The following PALS1 variants were observed in gnomAD, a reference collection of about 807,000 sequenced individuals.
PALS1 encodes the protein protein PALS1.
Under a neutral mutation model 78.9 loss-of-function variants are expected in PALS1, and 31 were observed. That is an observed-to-expected ratio of 0.39 (90% CI 0.30 to 0.53). The LOEUF (loss-of-function observed/expected upper bound fraction) is 0.53, where lower values mean the gene tolerates loss of function less well. Ranked by LOEUF, PALS1 falls within the 20% of genes least tolerant of loss-of-function variation. PALS1 has a pLI of 0.67. For missense variants in PALS1, 704 were observed against 826.5 expected, an observed-to-expected ratio of 0.85 and a Z score of 1.82; for synonymous variants, 276 against 270.9, an observed-to-expected ratio of 1.02 and a Z score of -0.18.
chr14:67,257,062 T>C (rs2084156465), intron 1 of PALS1, among the ~76,000 whole-genome samples: 1 of 152,070 alleles, frequency 6.6e-6, no homozygotes, highest in African/African-American at 2.4e-5. Context: ...ATATGTACGT[T>C]GGTTTGATCC....
At chr14:67,296,329 A>C (rs2084848235) in intron 4 of PALS1, among the ~76,000 whole-genome samples, 1 of 152,040 alleles carries the variant, frequency 6.6e-6, no homozygotes, top group Admixed American at 6.6e-5. Context: ...CGCCGGATGC[A>C]GTGGCTCACG....
At chr14:67,332,284 T>C (rs1595626606) in intron 14 of PALS1, among the ~76,000 whole-genome samples, 1 of 152,208 alleles carries the variant, frequency 6.6e-6, no homozygotes. Flanking sequence ...TCTATATAGT[T>C]TCCCAAACTC....
At chr14:67,277,200 T>C (rs2084520195) in intron 2 of PALS1, among the ~76,000 whole-genome samples, 1 of 152,216 alleles carries the variant, frequency 6.6e-6, no homozygotes, top group South Asian at 2.1e-4. Context: ...GCTGTCATGT[T>C]AATGAAAACG....
intron 1 of PALS1, chr14:67,254,158 C>T (rs1329356412): frequency 4.3e-5 from 6 of 138,292 alleles, no homozygotes; most frequent in African/African-American, 1.6e-4. Context: ...TATCTGATAT[C>T]TATACTAGAT....
chr14:67,272,150 CT>C (rs2084418952), intron 2 of PALS1: 1 of 151,824 alleles, frequency 6.6e-6, no homozygotes, highest in Admixed American at 6.6e-5. Context: ...AATCACTCCT[CT>C]TTTTTAAATC....
chr14:67,313,290 A>T (rs1363922163), intron 9 of PALS1, among the ~76,000 whole-genome samples: 2 of 152,232 alleles, frequency 1.3e-5, no homozygotes, highest in Admixed American at 1.3e-4. Flanking sequence ...GTCATGCATC[A>T]CTTAACGACA....
intron 1 of PALS1, among the ~76,000 whole-genome samples, chr14:67,253,963 G>GTT (rs1203932603): frequency 7.3e-6 from 1 of 137,180 alleles, no homozygotes; most frequent in Admixed American, 7.4e-5. Context: ...ATTTTGTTTT[G>GTT]TTTTTTTTTT....
chr14:67,325,305 T>C (rs1360869741), intron 14 of PALS1, among the ~76,000 whole-genome samples: 1 of 152,240 alleles, frequency 6.6e-6, no homozygotes, highest in African/African-American at 2.4e-5. Context: ...TAACATTTCT[T>C]AATCTATATG....
intron 1 of PALS1, among the ~76,000 whole-genome samples, chr14:67,252,449 T>C (rs1387143482): frequency 6.6e-6 from 1 of 152,140 alleles, no homozygotes; most frequent in Non-Finnish European, 1.5e-5. Flanking sequence ...GCCACCGTGC[T>C]CAGCATTTAG....
chr14:67,329,746 G>T (rs1211081224), intron 14 of PALS1, among the ~76,000 whole-genome samples: 1 of 151,988 alleles, frequency 6.6e-6, no homozygotes, highest in African/African-American at 2.4e-5. Flanking sequence ...GCCAGGCATG[G>T]TGGTGCACGC....
intron 3 of PALS1, 148 bp downstream of exon 3, chr14:67,279,685 C>G: frequency 1.4e-6 from 1 of 701,976 alleles, no homozygotes; most frequent in Non-Finnish European, 2.2e-6. Context: ...GTGGAAACGC[C>G]GTATAACTAT....
At chr14:67,288,017 C>T (rs1368135715) in intron 3 of PALS1, among the ~76,000 whole-genome samples, 1 of 152,158 alleles carries the variant, frequency 6.6e-6, no homozygotes, top group Non-Finnish European at 1.5e-5. Context: ...TTGTTGATTT[C>T]AGTCAGTGGT....
chr14:67,256,789 A>C lies in PALS1; in HGVS notation c.-236-12912A>C, dbSNP rs112718912. Among the ~76,000 whole-genome samples the C allele has an allele frequency of 1.8e-3, 231 of 131,474 alleles. 1 individual carries two copies. Among genetic ancestry groups the C allele is most frequent in the African/African-American group, 7.4e-3 (228 of 30,980 alleles). 86.3% of individuals were successfully genotyped at this position (131,474 alleles called of 152,430 possible). On this transcript the variant is annotated intron_variant, in intron 1 of 14. Coordinates refer to ENST00000261681, the MANE Select transcript of PALS1 (RefSeq NM_022474.4). ...TAAGTAGGAGGACGAAGTGTTCCAGAAACTATTGACACACACACACACACA... is the reference window on the plus strand; with the variant it reads ...TAAGTAGGAGGACGAAGTGTTCCAGCAACTATTGACACACACACACACACA...
intron 1 of PALS1, among the ~76,000 whole-genome samples, chr14:67,252,486 A>G (rs534036493): frequency 4.6e-5 from 7 of 152,274 alleles, no homozygotes; most frequent in Non-Finnish European, 8.8e-5. Flanking sequence ...AGGAGTGGTC[A>G]TGGGAACCCC....
chr14:67,245,999 A>G (rs1311026044), intron 1 of PALS1, among the ~76,000 whole-genome samples: 3 of 152,046 alleles, frequency 2.0e-5, no homozygotes, highest in African/African-American at 7.2e-5. Flanking sequence ...CCATTTGTTT[A>G]AAACATGATC....
intron 1 of PALS1, among the ~76,000 whole-genome samples, chr14:67,261,786 G>T (rs2084242066): frequency 6.6e-6 from 1 of 151,846 alleles, no homozygotes; most frequent in Non-Finnish European, 1.5e-5. Flanking sequence ...TAGGTACTTT[G>T]AGCAATAGAT....
chr14:67,247,240 T>TTAA (rs1440186251), intron 1 of PALS1, among the ~76,000 whole-genome samples: 1 of 152,234 alleles, frequency 6.6e-6, no homozygotes, highest in Non-Finnish European at 1.5e-5. Context: ...TTGCAAATAC[T>TTAA]TTATTAAGTC....
rs2085519239 is a variant in PALS1 at position 67,335,621 on chromosome 14, A to T, written c.*2665A>T. ...GCCTAAGAAATAAGGATCAATAAGG[A>T]ATGATTTGAATGTAATTTTGTGAAT... On this transcript the variant is annotated 3_prime_UTR_variant, in exon 15 of 15. Transcript: ENST00000261681. 1 of 152,634 alleles carries T rather than the reference A, an allele frequency of 6.6e-6. No homozygotes were observed. The highest frequency in any genetic ancestry group is 1.5e-5 in the Non-Finnish European group (1 of 68,030). 9.5% of individuals were successfully genotyped at this position (152,634 alleles called of 1,614,324 possible).
intron 1 of PALS1, among the ~76,000 whole-genome samples, chr14:67,259,992 T>A (rs2084210533): frequency 6.6e-6 from 1 of 152,202 alleles, no homozygotes; most frequent in African/African-American, 2.4e-5. Context: ...TTATAGTTTT[T>A]CCAGTCTTGG....
Sources: allele counts gnomAD v4.1 joint callset (sites outside exome capture counted in the v4.1 genomes callset), GRCh38; gene constraint gnomAD v4.1.1; transcripts MANE v1.5; gene names NCBI Gene and HGNC (gene_info 2026-07-23, HGNC 2026-07-21).